The following LRCH1 variants were observed in gnomAD, a reference collection of about 807,000 sequenced individuals.
The protein encoded by LRCH1 is leucine-rich repeat and calponin homology domain-containing protein 1.
LRCH1 carries 23 observed loss-of-function variants against 94.9 expected under a neutral mutation model. The ratio of observed to expected loss-of-function variants is 0.24; its 90% CI spans 0.17 to 0.34. LRCH1 has a LOEUF of 0.34. Among genes scored for constraint, LRCH1 ranks in the 10% least tolerant of loss-of-function variants. LRCH1 has a pLI of 1.00. For synonymous variants in LRCH1, 364 were observed against 354.9 expected (o/e 1.03, Z -0.29); for missense variants, 790 against 945.9 (o/e 0.84, Z 2.16).
rs558124084 is a variant in LRCH1, at chr13:46,676,833, A to T, written c.580-4908A>T. ...TACTGTGTCACTCAGGCTGGAATGC[A>T]GTGCCATGGTCACAGCTCACTGCAG... On this transcript the variant is annotated intron_variant, in intron 3 of 19. Coordinates refer to ENST00000389797, the MANE Select transcript of LRCH1 (RefSeq NM_001164211.2). 8.5e-5 allele frequency among the ~76,000 whole-genome samples: 13 copies of T among 152,290 alleles called. No homozygotes were observed. In the South Asian group the frequency reaches 1.7e-3, roughly 19 times the overall value.
At chr13:46,707,569 T>C (rs1025360221) in intron 13 of LRCH1, among the ~76,000 whole-genome samples, 14 of 152,142 alleles carry the variant, frequency 9.2e-5, no homozygotes, top group African/African-American at 3.1e-4. Context: ...TTGACTCTAG[T>C]AAAATAGATG....
intron 1 of LRCH1, among the ~76,000 whole-genome samples, chr13:46,643,145 G>T (rs2051179405): frequency 6.6e-6 from 1 of 152,088 alleles, no homozygotes; most frequent in African/African-American, 2.4e-5. Context: ...ACAGCCCCTT[G>T]CCCATTTGCT....
intron 13 of LRCH1, among the ~76,000 whole-genome samples, 170 bp from the exon 14 acceptor site, chr13:46,711,621 C>G (rs890359736): frequency 6.6e-6 from 1 of 152,144 alleles, no homozygotes; most frequent in Admixed American, 6.5e-5. Flanking sequence ...GTTTTCAGAA[C>G]GTATGAGTAT....
At chr13:46,637,003 T>C (rs2051099445) in intron 1 of LRCH1, among the ~76,000 whole-genome samples, 1 of 152,184 alleles carries the variant, frequency 6.6e-6, no homozygotes, top group Non-Finnish European at 1.5e-5. Context: ...CTTACCTGCA[T>C]ATCTAATAGG....
chr13:46,564,436 A>G (rs1257113951), intron 1 of LRCH1, among the ~76,000 whole-genome samples: 3 of 152,244 alleles, frequency 2.0e-5, no homozygotes, highest in African/African-American at 7.2e-5. Context: ...ACTTGGCATC[A>G]GGCTGTGAAT....
intron 2 of LRCH1, among the ~76,000 whole-genome samples, chr13:46,662,223 C>T (rs1162079930): frequency 6.6e-6 from 1 of 152,172 alleles, no homozygotes; most frequent in Non-Finnish European, 1.5e-5. Context: ...GTTGATTTCA[C>T]CTGGCACATA....
At chr13:46,602,978 G>GCATGCATA (rs142972823) in intron 1 of LRCH1, among the ~76,000 whole-genome samples, 7,456 of 149,864 alleles carry the variant, frequency 0.05, 259 homozygotes, top group Middle Eastern at 0.11. Context: ...ATACATGCAT[G>GCATGCATA]CATACATACA....
intron 18 of LRCH1, among the ~76,000 whole-genome samples, chr13:46,733,648 C>CTA (rs966259562): frequency 8.6e-5 from 13 of 151,262 alleles, no homozygotes; most frequent in East Asian, 7.8e-4. Flanking sequence ...ATACAAACAT[C>CTA]TATATATATA....
chr13:46,668,216 A>G (rs1443699013), intron 2 of LRCH1, among the ~76,000 whole-genome samples: 1 of 152,064 alleles, frequency 6.6e-6, no homozygotes, highest in Non-Finnish European at 1.5e-5. Flanking sequence ...CGTAGATTTT[A>G]TTTATCTAGT....
intron 2 of LRCH1, among the ~76,000 whole-genome samples, chr13:46,664,626 G>C (rs530535270): frequency 6.6e-6 from 1 of 152,138 alleles, no homozygotes; most frequent in Admixed American, 6.5e-5. Context: ...AGAAGGTATC[G>C]TTGTCATTAA....
intron 1 of LRCH1, among the ~76,000 whole-genome samples, chr13:46,605,651 G>C (rs1392174967): frequency 6.6e-6 from 1 of 151,918 alleles, no homozygotes; most frequent in East Asian, 1.9e-4. Flanking sequence ...TTCTTGACTG[G>C]GATTTCAGAA....
intron 1 of LRCH1, among the ~76,000 whole-genome samples, chr13:46,589,318 T>G (rs1008408005): frequency 5.9e-5 from 9 of 152,202 alleles, no homozygotes; most frequent in Non-Finnish European, 8.8e-5. Context: ...CATGAGCCAC[T>G]GTGCCTGGCC....
chr13:46,699,394 C>T lies in LRCH1; in HGVS notation c.1304C>T (p.Thr435Ile). 1 of 1,614,044 alleles carries T rather than the reference C, an allele frequency of 6.2e-7. No homozygotes were observed. The highest frequency in any genetic ancestry group is 8.5e-7 in the Non-Finnish European group (1 of 1,179,898). The change falls in exon 10 of 20, where the codon ACT becomes ATT. Residue 435 changes from threonine (T) to isoleucine (I), a missense_variant. Physicochemically the swap from Thr to Ile is moderately conservative, Grantham distance 89. Coordinates refer to ENST00000389797, the MANE Select transcript of LRCH1 (RefSeq NM_001164211.2). ...ATAGAAGAGGATGTGCACTGGCAAA[C>T]TGAGGGCATGTGAGTGCCGAGGCCT... is the stretch of plus-strand genomic sequence containing the variant. ...LRIEEDVHWQ[T>I]EGIISSSKDQ...
At chr13:46,622,807 G>A (rs2050895649) in intron 1 of LRCH1, among the ~76,000 whole-genome samples, 1 of 152,218 alleles carries the variant, frequency 6.6e-6, no homozygotes, top group African/African-American at 2.4e-5. Context: ...TCCAGCAACA[G>A]TTAGGAGCAC....
In LRCH1 at chr13:46,705,123, G is replaced by T. The variant is rs11617392; in HGVS notation, c.1456G>T (p.Ala486Ser). The T allele has an allele frequency of 0.026, 42,564 of 1,608,766 alleles. 722 individuals are homozygous for T. Among genetic ancestry groups the T allele is most frequent in the Non-Finnish European group, 0.032 (37,680 of 1,177,246 alleles). The stretch of plus-strand genomic sequence containing the variant: ...TTTAAACCTATATCCTATGGGATCA[G>T]CAGAAGCCTTAGAATTACAAGATTC... ...SVLNLYPMGS[A>S]EALELQDSAL... Residue 486 changes from alanine to serine, a missense_variant, in exon 12 of 20, where the codon GCA becomes TCA. Coordinates refer to ENST00000389797, the MANE Select transcript of LRCH1 (RefSeq NM_001164211.2).
At chr13:46,562,389 T>C (rs2050139177) in intron 1 of LRCH1, among the ~76,000 whole-genome samples, 1 of 152,164 alleles carries the variant, frequency 6.6e-6, no homozygotes, top group Non-Finnish European at 1.5e-5. Flanking sequence ...GAGGCCTCTC[T>C]CTTGGCTTAC....
intron 1 of LRCH1, among the ~76,000 whole-genome samples, chr13:46,646,068 T>C (rs901348275): frequency 3.3e-5 from 5 of 152,326 alleles, no homozygotes; most frequent in South Asian, 2.1e-4. Flanking sequence ...GTAAAGTGTT[T>C]CAGAAAGAAA....
chr13:46,597,865 T>C (rs1260320552), intron 1 of LRCH1, among the ~76,000 whole-genome samples: 1 of 151,928 alleles, frequency 6.6e-6, no homozygotes, highest in Non-Finnish European at 1.5e-5. Context: ...TTGATGAAAA[T>C]TTTGTGACCA....
chr13:46,566,129 ACAAG>A (rs2050181371), intron 1 of LRCH1, among the ~76,000 whole-genome samples: 1 of 152,150 alleles, frequency 6.6e-6, no homozygotes. Flanking sequence ...AAGTTAAAAA[ACAAG>A]CAAACAAATA....
Sources: gnomAD v4.1 joint callset for allele counts (sites outside exome capture counted in the v4.1 genomes callset) on GRCh38, gnomAD v4.1.1 for gene constraint, MANE v1.5 for transcripts, NCBI Gene and HGNC (gene_info 2026-07-23, HGNC 2026-07-21) for gene names.